RGS5: variants seen among roughly 807,000 people sequenced by gnomAD.
The protein encoded by RGS5 is regulator of G-protein signalling 5.
Under a neutral mutation model 18.9 loss-of-function variants are expected in RGS5, and 20 were observed. The ratio of observed to expected loss-of-function variants is 1.06; its 90% CI spans 0.74 to 1.54. The LOEUF is 1.54. Among genes scored for constraint, RGS5 ranks in the 40% most tolerant of loss-of-function variants. RGS5 has a pLI of 0.00. For synonymous variants in RGS5, 57 were observed against 76.2 expected (o/e 0.75, Z 1.31); for missense variants, 201 against 211.8 (o/e 0.95, Z 0.32).
rs1175343493 is a variant in RGS5, at chr1:163,144,755, T to C, written c.*2587A>G. The C allele has an allele frequency of 6.6e-6, 1 of 152,598 alleles. No homozygotes were observed. The highest frequency in any genetic ancestry group is 1.5e-5 in the Non-Finnish European group (1 of 68,006). 9.5% of individuals were successfully genotyped at this position (152,598 alleles called of 1,614,324 possible). A position where few individuals can be genotyped will look rare whatever the true frequency, so the allele number is the denominator to read the frequency against. On this transcript the variant is annotated 3_prime_UTR_variant, in exon 5 of 5. Transcript: ENST00000313961. ...AGAATGTATTTTATCTGTATTACCA[T>C]GGAAATTACTAGTAACACTGGATTT...
At chr1:163,184,431 C>T (rs1658985399) in intron 1 of RGS5, among the ~76,000 whole-genome samples, 1 of 149,392 alleles carries the variant, frequency 6.7e-6, no homozygotes, top group Non-Finnish European at 1.5e-5. Context: ...AGAACAATGT[C>T]TGTTAAATGA....
rs1557876061 is a variant in RGS5 at position 163,144,749 on chromosome 1, T to A, written c.*2593A>T. On this transcript the variant is annotated 3_prime_UTR_variant, in exon 5 of 5. Transcript: ENST00000313961. ...ATTAAAAGAATGTATTTTATCTGTA[T>A]TACCATGGAAATTACTAGTAACACT... 6.6e-6 allele frequency: 1 copy of A among 152,596 alleles called. No individual in the cohort carries two copies. The highest frequency in any genetic ancestry group is 1.5e-5 in the Non-Finnish European group (1 of 68,024). The allele number at this position is 152,596 out of a possible 1,614,324, so 9.5% of individuals were successfully genotyped here.
chr1:163,163,656 A>G (rs373253500), intron 2 of RGS5, among the ~76,000 whole-genome samples: 3 of 152,328 alleles, frequency 2.0e-5, no homozygotes, highest in African/African-American at 2.4e-5. Context: ...TCATGCCTAC[A>G]TGTTTAGCAC....
chr1:163,252,448 C>T (rs1025659130), intron 2 of RGS5, among the ~76,000 whole-genome samples: 16 of 152,112 alleles, frequency 1.1e-4, no homozygotes, highest in East Asian at 3.8e-4. Context: ...AACTACATTT[C>T]GACGTTTCTC....
intron 1 of RGS5, among the ~76,000 whole-genome samples, chr1:163,174,247 T>G (rs1418017430): frequency 6.6e-6 from 1 of 152,232 alleles, no homozygotes; most frequent in Non-Finnish European, 1.5e-5. Flanking sequence ...TATCTCCATA[T>G]GTATATGTAT....
intron 1 of RGS5, among the ~76,000 whole-genome samples, chr1:163,208,261 T>C (rs937845899): frequency 9.5e-4 from 30 of 31,646 alleles, no homozygotes; most frequent in Admixed American, 2.2e-3. Context: ...GGCAGGAGAA[T>C]GGCGTGAACC....
intron 2 of RGS5, among the ~76,000 whole-genome samples, chr1:163,284,628 A>T (rs1436408807): frequency 2.6e-5 from 4 of 152,118 alleles, no homozygotes; most frequent in Non-Finnish European, 5.9e-5. Flanking sequence ...GGCCAACCCT[A>T]TGCTTTTTGC....
At chr1:163,263,247 A>G (rs926951128) in intron 2 of RGS5, among the ~76,000 whole-genome samples, 2 of 152,206 alleles carry the variant, frequency 1.3e-5, no homozygotes, top group African/African-American at 4.8e-5. Flanking sequence ...TACGCCCACT[A>G]GGCATTTCCC....
chr1:163,152,473 G>T, intron 4 of RGS5, 77 bp downstream of exon 4: 1 of 1,447,138 alleles, frequency 6.9e-7, no homozygotes, highest in Non-Finnish European at 9.3e-7. Flanking sequence ...CCCAACGGGA[G>T]GTCTGTGTCT....
At chr1:163,273,194 A>C (rs142465536) in intron 2 of RGS5, among the ~76,000 whole-genome samples, 158 of 152,274 alleles carry the variant, frequency 1.0e-3, no homozygotes, top group African/African-American at 3.6e-3. Context: ...AAACTTGAAA[A>C]GAATGTGTAT....
At chr1:163,315,134 A>C (rs1649985835) in intron 1 of RGS5, among the ~76,000 whole-genome samples, 1 of 152,220 alleles carries the variant, frequency 6.6e-6, no homozygotes, top group Non-Finnish European at 1.5e-5. Flanking sequence ...GTGCCCCAAA[A>C]ACTATTCAAA....
intron 2 of RGS5, among the ~76,000 whole-genome samples, chr1:163,267,528 C>T (rs1200946811): frequency 1.1e-4 from 16 of 152,110 alleles, no homozygotes; most frequent in African/African-American, 2.2e-4. Context: ...GTCTATATGT[C>T]ATCCAAATTG....
At chr1:163,269,573 AT>A (rs1211192854) in intron 2 of RGS5, among the ~76,000 whole-genome samples, 3 of 152,094 alleles carry the variant, frequency 2.0e-5, no homozygotes, top group African/African-American at 4.8e-5. Context: ...CTACATATTA[AT>A]TTTCTTATCT....
At chr1:163,273,455 G>C (rs1282070602) in intron 2 of RGS5, among the ~76,000 whole-genome samples, 1 of 151,858 alleles carries the variant, frequency 6.6e-6, no homozygotes, top group African/African-American at 2.4e-5. Context: ...CTGATTATTT[G>C]ATCTTTTATT....
rs375565094 is a variant in RGS5, at chr1:163,264,306, TG to T, written c.-281+41926del. On this transcript the variant is annotated intron_variant, in intron 2 of 5. Coordinates refer to the RGS5 transcript ENST00000618415. ...CAGCTCTGTCACTTACTAACTTGAG[TG>T]ATGTTTGTTTGGCAAGTCCCAAATT... 1.0e-3 allele frequency among the ~76,000 whole-genome samples: 159 copies of T among 152,218 alleles called. 1 individual carries two copies. The highest frequency in any genetic ancestry group is 3.6e-3 in the African/African-American group (148 of 41,528).
intron 2 of RGS5, among the ~76,000 whole-genome samples, chr1:163,225,088 C>G (rs1647304326): frequency 6.6e-6 from 1 of 152,062 alleles, no homozygotes; most frequent in Non-Finnish European, 1.5e-5. Flanking sequence ...AGGTCTTGTT[C>G]AAAAAATCCT....
At chr1:163,206,843 A>G (rs1659966606), upstream of RGS5, 1 of 152,206 alleles carries the variant, frequency 6.6e-6, no homozygotes, top group African/African-American at 2.4e-5. Context: ...AGTCTCAGGT[A>G]TTTTGTTATA....
chr1:163,252,038 G>A (rs1345587011), intron 2 of RGS5, among the ~76,000 whole-genome samples: 1 of 152,076 alleles, frequency 6.6e-6, no homozygotes, highest in Non-Finnish European at 1.5e-5. Flanking sequence ...TGATTGCTGG[G>A]TTGTATCTTA....
At chr1:163,319,066 T>C (rs530701584) in intron 1 of RGS5, 1 of 152,290 alleles carries the variant, frequency 6.6e-6, no homozygotes, top group South Asian at 2.1e-4. Flanking sequence ...TTAGACCAAG[T>C]GAATCAACTT....
Sources: gnomAD v4.1 joint callset for allele counts (sites outside exome capture counted in the v4.1 genomes callset) on GRCh38, gnomAD v4.1.1 for gene constraint, MANE v1.5 for transcripts, NCBI Gene and HGNC (gene_info 2026-07-23, HGNC 2026-07-21) for gene names.